CACNA2D3: variants seen among roughly 807,000 people sequenced by gnomAD.
CACNA2D3 encodes calcium voltage-gated channel auxiliary subunit alpha2delta 3.
Under a neutral mutation model 160.6 loss-of-function variants are expected in CACNA2D3, and 60 were observed. The ratio of observed to expected loss-of-function variants is 0.37; its 90% CI spans 0.30 to 0.46. The LOEUF is 0.46. Among genes scored for constraint, CACNA2D3 ranks in the 20% least tolerant of loss-of-function variants. The pLI is 1.00. For synonymous variants in CACNA2D3, 558 were observed against 492.9 expected, an observed-to-expected ratio of 1.13 and a Z score of -1.75; for missense variants, 1,205 against 1,365.0, an observed-to-expected ratio of 0.88 and a Z score of 1.85.
intron 12 of CACNA2D3, among the ~76,000 whole-genome samples, chr3:54,756,597 G>A (rs1179872418): frequency 1.3e-5 from 2 of 152,262 alleles, no homozygotes; most frequent in East Asian, 3.9e-4. Flanking sequence ...AGGGACCAGA[G>A]CAGACCCAAG....
chr3:54,899,882 T>G lies in CACNA2D3; in HGVS notation c.2449+14T>G. 6.4e-7 allele frequency: 1 copy of G among 1,563,214 alleles called. No homozygotes were observed. Among genetic ancestry groups the G allele is most frequent in the Non-Finnish European group, 8.7e-7 (1 of 1,145,314 alleles). On this transcript the variant is annotated intron_variant, in intron 27 of 37. Coordinates refer to ENST00000474759, the MANE Select transcript of CACNA2D3 (RefSeq NM_018398.3). The stretch of plus-strand genomic sequence containing the variant: ...CTGTGGTGGCAGGTAAATAATTGAT[T>G]GAATCCATGAAGACAAAGTAAGCAT...
intron 9 of CACNA2D3, among the ~76,000 whole-genome samples, chr3:54,617,475 G>T (rs1399150159): frequency 6.6e-6 from 1 of 152,134 alleles, no homozygotes; most frequent in South Asian, 2.1e-4. Flanking sequence ...CACCTGATTG[G>T]CTCAGGCCCA....
At chr3:54,202,831 T>G (rs895897365) in intron 2 of CACNA2D3, among the ~76,000 whole-genome samples, 6 of 152,226 alleles carry the variant, frequency 3.9e-5, no homozygotes, top group African/African-American at 1.4e-4. Context: ...TTATCAGTAG[T>G]GTCCCTTCTC....
At chr3:54,473,035 T>C (rs1024027932) in intron 4 of CACNA2D3, among the ~76,000 whole-genome samples, 3 of 152,222 alleles carry the variant, frequency 2.0e-5, no homozygotes, top group Admixed American at 2.0e-4. Flanking sequence ...AAAACTACTT[T>C]AAATTTTGTG....
intron 2 of CACNA2D3, among the ~76,000 whole-genome samples, chr3:54,249,558 T>TACGTACAC (rs1553767315): frequency 1.6e-5 from 2 of 123,806 alleles, no homozygotes; most frequent in Non-Finnish European, 3.2e-5. Context: ...TCTGTTTACG[T>TACGTACAC]ACACACACAC....
intron 11 of CACNA2D3, among the ~76,000 whole-genome samples, chr3:54,656,036 G>T (rs1381830543): frequency 6.6e-6 from 1 of 152,184 alleles, no homozygotes; most frequent in Non-Finnish European, 1.5e-5. Context: ...GTAGTGCCCA[G>T]TGTCTACTGA....
intron 10 of CACNA2D3, among the ~76,000 whole-genome samples, chr3:54,633,191 C>T (rs1279437917): frequency 1.3e-5 from 2 of 152,070 alleles, no homozygotes; most frequent in African/African-American, 4.8e-5. Context: ...ACTTTTGGAG[C>T]CCTACCACCT....
intron 16 of CACNA2D3, among the ~76,000 whole-genome samples, chr3:54,842,607 C>CTTT (rs11404506): frequency 4.2e-5 from 6 of 143,078 alleles, no homozygotes; most frequent in Non-Finnish European, 9.1e-5. Flanking sequence ...TTTTTCTTTT[C>CTTT]TTTTTTTTTT....
chr3:55,017,319 TCTTA>T (rs965054686), intron 34 of CACNA2D3, among the ~76,000 whole-genome samples: 1 of 152,204 alleles, frequency 6.6e-6, no homozygotes, highest in Admixed American at 6.5e-5. Flanking sequence ...TCCAAACTTC[TCTTA>T]CTTCAGAGCC....
intron 13 of CACNA2D3, among the ~76,000 whole-genome samples, chr3:54,809,760 C>A (rs2106696289): frequency 6.6e-6 from 1 of 150,538 alleles, no homozygotes; most frequent in South Asian, 2.1e-4. Flanking sequence ...CCTCCCTGAT[C>A]TTTTTTTCTT....
intron 4 of CACNA2D3, among the ~76,000 whole-genome samples, chr3:54,489,215 G>T (rs1701067744): frequency 6.6e-6 from 1 of 152,126 alleles, no homozygotes; most frequent in African/African-American, 2.4e-5. Flanking sequence ...TTGCATGCTG[G>T]GAGATGGCCC....
chr3:54,823,212 G>A (rs1703679618), intron 14 of CACNA2D3, among the ~76,000 whole-genome samples: 1 of 151,942 alleles, frequency 6.6e-6, no homozygotes, highest in South Asian at 2.1e-4. Context: ...CAACCTCATA[G>A]TGTGTGTCTA....
chr3:54,423,892 TA>T (rs375348931), intron 4 of CACNA2D3, among the ~76,000 whole-genome samples: 1 of 143,318 alleles, frequency 7.0e-6, no homozygotes, highest in African/African-American at 2.6e-5. Context: ...TTGAAATTCT[TA>T]TTTTTTTTTT....
At chr3:54,444,262 ACCTTTTTTTCTAG>A (rs1700187480) in intron 4 of CACNA2D3, among the ~76,000 whole-genome samples, 1 of 152,098 alleles carries the variant, frequency 6.6e-6, no homozygotes, top group Non-Finnish European at 1.5e-5. Flanking sequence ...TGTCCCAGAC[ACCTTTTTTTCTAG>A]CATCTTCCTT....
At chr3:54,896,638 G>A in intron 25 of CACNA2D3, 111 bp from the exon 26 acceptor site, 5 of 1,283,282 alleles carry the variant, frequency 3.9e-6, no homozygotes, top group Non-Finnish European at 5.6e-6. Context: ...AGGCAAGTTG[G>A]GGTTCTAAAA....
At chr3:54,548,123 T>C (rs997713570) in intron 5 of CACNA2D3, among the ~76,000 whole-genome samples, 1 of 152,166 alleles carries the variant, frequency 6.6e-6, no homozygotes, top group Non-Finnish European at 1.5e-5. Context: ...CTGAGAAGCT[T>C]TGCTGCTCTG....
At chr3:54,272,810 G>A (rs992826834) in intron 2 of CACNA2D3, 1 of 152,248 alleles carries the variant, frequency 6.6e-6, no homozygotes, top group Non-Finnish European at 1.5e-5. Flanking sequence ...GAGGCACAAA[G>A]ACCTCTGGTG....
intron 17 of CACNA2D3, among the ~76,000 whole-genome samples, chr3:54,849,147 C>T (rs1430094242): frequency 6.6e-6 from 1 of 152,118 alleles, no homozygotes; most frequent in South Asian, 2.1e-4. Flanking sequence ...GCAAGCTTGG[C>T]CAACTGTGGT....
At chr3:54,386,358 C>G (rs1233129106) in intron 3 of CACNA2D3, among the ~76,000 whole-genome samples, 1 of 152,156 alleles carries the variant, frequency 6.6e-6, no homozygotes, top group Non-Finnish European at 1.5e-5. Context: ...GGCAATAAAT[C>G]TTGACTAAGG....
Sources: gnomAD v4.1 joint callset for allele counts (sites outside exome capture counted in the v4.1 genomes callset) on GRCh38, gnomAD v4.1.1 for gene constraint, MANE v1.5 for transcripts, NCBI Gene and HGNC (gene_info 2026-07-23, HGNC 2026-07-21) for gene names.